Variants in STARD13 observed in about 807,000 individuals in gnomAD.
STARD13 encodes stAR-related lipid transfer protein 13.
In STARD13, 62 loss-of-function variants were observed where a neutral mutation model predicts 106.4. The observed-to-expected ratio is 0.58, with a 90% CI of 0.48 to 0.72. The LOEUF is 0.72. Among genes scored for constraint, STARD13 ranks in the 30% least tolerant of loss-of-function variants. STARD13 has a pLI of 0.00. For missense variants in STARD13, 1,387 were observed against 1,424.0 expected (o/e 0.97, Z 0.42); for synonymous variants, 565 against 553.0 (o/e 1.02, Z -0.31).
chr13:33,489,192 A>T, the STARD13 span, among the ~76,000 whole-genome samples: 1 of 152,248 alleles, frequency 6.6e-6, no homozygotes, highest in South Asian at 2.1e-4. Context: ...CCTCTGGTCA[A>T]TGATTAATCA....
rs779206075 is a variant in STARD13 at position 33,110,105 on chromosome 13, C to T, written c.2830-15G>A. The T allele has an allele frequency of 1.7e-5, 27 of 1,612,890 alleles. No homozygotes were observed. The highest frequency in any genetic ancestry group is 3.3e-5 in the Admixed American group (2 of 59,868). On this transcript the variant is annotated splice_polypyrimidine_tract_variant and intron_variant, in intron 11 of 13. Transcript: ENST00000336934. ...CCGTCGCCCACCTTGGGAAAGACAA[C>T]GTCAGAAGCTGAAGAGGTTGTCTGG...
Position 33,285,719 on chromosome 13 carries a change from C to G in STARD13, c.-81G>C. On this transcript the variant is annotated 5_prime_UTR_variant, in exon 1 of 14. Coordinates refer to ENST00000336934, the MANE Select transcript of STARD13 (RefSeq NM_178006.4). ...CCAGTCTCAGTCAAAGAGCAAGGCA[C>G]CCAGCCCAGGACAGCTCAACAGACC... 1 of 1,577,762 alleles carries G rather than the reference C, an allele frequency of 6.3e-7. No homozygotes were observed. Among genetic ancestry groups the G allele is most frequent in the Non-Finnish European group, 8.6e-7 (1 of 1,165,422 alleles).
At chr13:33,178,005 GGAAGGAAAGGAAGGAAGGAAGGA>G (rs1884863113) in intron 1 of STARD13, among the ~76,000 whole-genome samples, 2 of 59,936 alleles carry the variant, frequency 3.3e-5, no homozygotes, top group East Asian at 7.6e-4. Context: ...AAGGAAGGAA[GGAAGGAAAGGAAGGAAGGAAGGA>G]AGGAAGGAAG....
At chr13:33,420,938 G>T in the STARD13 span, among the ~76,000 whole-genome samples, 12 of 152,058 alleles carry the variant, frequency 7.9e-5, no homozygotes, top group Non-Finnish European at 1.6e-4. Flanking sequence ...CAGATCTCTG[G>T]GACACATTTA....
chr13:33,226,016 A>G (rs1389843060), intron 1 of STARD13, among the ~76,000 whole-genome samples: 1 of 152,204 alleles, frequency 6.6e-6, no homozygotes, highest in East Asian at 1.9e-4. Flanking sequence ...TTAAGTCCTT[A>G]TAAGAAGAGA....
the STARD13 span, among the ~76,000 whole-genome samples, chr13:33,628,020 A>G: frequency 6.8e-6 from 1 of 146,488 alleles, no homozygotes; most frequent in South Asian, 2.1e-4. Flanking sequence ...GCTGGAGTGC[A>G]GTGGCACGAT....
At chr13:33,172,980 G>T (rs1884139641) in intron 1 of STARD13, among the ~76,000 whole-genome samples, 1 of 152,002 alleles carries the variant, frequency 6.6e-6, no homozygotes, top group Admixed American at 6.6e-5. Flanking sequence ...GAAAGAGTGT[G>T]ATCGTCATGG....
intron 3 of STARD13, among the ~76,000 whole-genome samples, chr13:33,154,824 G>A (rs937091228): frequency 6.6e-6 from 1 of 152,146 alleles, no homozygotes; most frequent in Non-Finnish European, 1.5e-5. Flanking sequence ...CATGACTAGC[G>A]ATTTCTGAGA....
intron 1 of STARD13, among the ~76,000 whole-genome samples, chr13:33,211,979 T>C (rs1395713786): frequency 6.6e-6 from 1 of 152,220 alleles, no homozygotes; most frequent in Non-Finnish European, 1.5e-5. Context: ...ATAATATATG[T>C]ATTATTCTCA....
the STARD13 span, among the ~76,000 whole-genome samples, chr13:33,473,350 A>G: frequency 6.6e-6 from 1 of 152,266 alleles, no homozygotes; most frequent in Non-Finnish European, 1.5e-5. Flanking sequence ...AGTAATTTAC[A>G]CAATTTTACA....
the STARD13 span, among the ~76,000 whole-genome samples, chr13:33,616,146 AAGAGAG>A: frequency 1.3e-5 from 2 of 150,154 alleles, no homozygotes; most frequent in Admixed American, 6.6e-5. Flanking sequence ...GACAGGGAAA[AAGAGAG>A]AGAGAGAGAA....
intron 3 of STARD13, among the ~76,000 whole-genome samples, chr13:33,163,760 CAT>C (rs1249734532): frequency 5.4e-4 from 71 of 130,512 alleles, no homozygotes; most frequent in Non-Finnish European, 7.1e-4. Flanking sequence ...ATATATATAA[CAT>C]ATATATATGT....
intron 1 of STARD13, among the ~76,000 whole-genome samples, chr13:33,213,444 G>A (rs1342156060): frequency 6.6e-6 from 1 of 152,156 alleles, no homozygotes; most frequent in African/African-American, 2.4e-5. Context: ...AAGGACATAA[G>A]GGATAAACAA....
At chr13:33,491,088 G>C in the STARD13 span, among the ~76,000 whole-genome samples, 2 of 152,232 alleles carry the variant, frequency 1.3e-5, no homozygotes, top group African/African-American at 4.8e-5. Context: ...TGACATGCTA[G>C]AGAATGTGCC....
chr13:33,493,703 T>G, the STARD13 span, among the ~76,000 whole-genome samples: 4 of 152,210 alleles, frequency 2.6e-5, no homozygotes, highest in East Asian at 7.7e-4. Flanking sequence ...AAGTAGCTAT[T>G]TTCTGGATCA....
At chr13:33,571,161 C>A in the STARD13 span, among the ~76,000 whole-genome samples, 1 of 152,136 alleles carries the variant, frequency 6.6e-6, no homozygotes, top group African/African-American at 2.4e-5. Flanking sequence ...GGGAAGACAT[C>A]TCCTGCTCTC....
chr13:33,607,455 C>G, the STARD13 span, among the ~76,000 whole-genome samples: 2 of 151,970 alleles, frequency 1.3e-5, no homozygotes, highest in Non-Finnish European at 2.9e-5. Context: ...TGCCACCACA[C>G]CTGGCTAATT....
chr13:33,175,150 T>C (rs1884378955), intron 1 of STARD13, among the ~76,000 whole-genome samples: 1 of 152,208 alleles, frequency 6.6e-6, no homozygotes, highest in Non-Finnish European at 1.5e-5. Flanking sequence ...TCTGACCAGA[T>C]TGTTTTGACT....
the STARD13 span, among the ~76,000 whole-genome samples, chr13:33,584,372 G>A: frequency 6.6e-6 from 1 of 152,050 alleles, no homozygotes; most frequent in Admixed American, 6.5e-5. Flanking sequence ...GCCAGAGCAG[G>A]AGCAAGAAAG....
Sources: gnomAD v4.1 joint callset for allele counts (sites outside exome capture counted in the v4.1 genomes callset) on GRCh38, gnomAD v4.1.1 for gene constraint, MANE v1.5 for transcripts, NCBI Gene and HGNC (gene_info 2026-07-23, HGNC 2026-07-21) for gene names.